CTXND1: variants seen among roughly 807,000 people sequenced by gnomAD.
CTXND1 encodes the protein cortexin domain containing 1.
intron 1 of CTXND1, among the ~76,000 whole-genome samples, chr15:80,234,476 C>T (rs1272497141): frequency 7.5e-6 from 1 of 133,766 alleles, no homozygotes; most frequent in African/African-American, 2.8e-5. Context: ...TGAACATGCC[C>T]TTTTTTTTTT....
chr15:80,230,697 A>G (rs1458770670), intron 1 of CTXND1, among the ~76,000 whole-genome samples: 1 of 152,106 alleles, frequency 6.6e-6, no homozygotes, highest in Non-Finnish European at 1.5e-5. Flanking sequence ...TCCTTTAAGT[A>G]GTGTTTTGGC....
intron 1 of CTXND1, among the ~76,000 whole-genome samples, chr15:80,247,334 G>T (rs1893643974): frequency 6.6e-6 from 1 of 152,158 alleles, no homozygotes; most frequent in African/African-American, 2.4e-5. Flanking sequence ...CTTGTGAGGT[G>T]CATAGTTGCA....
chr15:80,235,237 C>T (rs544983511), intron 1 of CTXND1, among the ~76,000 whole-genome samples: 7 of 152,262 alleles, frequency 4.6e-5, no homozygotes, highest in Admixed American at 3.9e-4. Context: ...ATGCAGTCAA[C>T]CCTTAGGGGC....
intron 1 of CTXND1, among the ~76,000 whole-genome samples, chr15:80,226,329 C>T (rs979964697): frequency 2.0e-5 from 3 of 152,086 alleles, no homozygotes; most frequent in African/African-American, 4.8e-5. Flanking sequence ...TCTTTTTGCT[C>T]AGTTGAAAAT....
chr15:80,252,179 G>A lies in CTXND1; in HGVS notation c.-390C>T, dbSNP rs1476041859. The A allele has an allele frequency of 6.6e-6, 1 of 151,688 alleles. No homozygotes were observed. The highest frequency in any genetic ancestry group is 1.9e-4 in the East Asian group (1 of 5,156). The allele number at this position is 151,688 out of a possible 1,614,324, so 9.4% of individuals were successfully genotyped here. On this transcript the variant is annotated 5_prime_UTR_variant, in exon 1 of 3. Coordinates refer to ENST00000560778, the MANE Select transcript of CTXND1 (RefSeq NM_001352888.2). ...CAGGAGTCAGAGCCCCCAGCGGCGC[G>A]GGCGAGCCCGGGCCAGCAGCCGAGA...
chr15:80,248,860 T>C (rs1353827463), intron 1 of CTXND1, among the ~76,000 whole-genome samples: 2 of 152,220 alleles, frequency 1.3e-5, no homozygotes, highest in Non-Finnish European at 2.9e-5. Context: ...TTCATGTCTA[T>C]GGAAAGAACA....
rs374779039 is a variant in CTXND1 at position 80,243,050 on chromosome 15, C to T, written c.-218+8957G>A. The stretch of plus-strand genomic sequence containing the variant: ...ATGAGCTGCAGCTTCGGTCTGCCAA[C>T]CCTCTGATTCCTTTGAACTACCTCC... On this transcript the variant is annotated intron_variant, in intron 1 of 2. Coordinates refer to ENST00000560778, the MANE Select transcript of CTXND1 (RefSeq NM_001352888.2). 1.3e-3 allele frequency among the ~76,000 whole-genome samples: 196 copies of T among 152,324 alleles called. 3 individuals carry two copies. The South Asian group carries it at 0.023, about 18-fold the overall frequency.
At chr15:80,230,055 C>T (rs1893412008) in intron 1 of CTXND1, among the ~76,000 whole-genome samples, 1 of 152,158 alleles carries the variant, frequency 6.6e-6, no homozygotes, top group Non-Finnish European at 1.5e-5. Flanking sequence ...AACCAATGTT[C>T]TCTAATTAAT....
chr15:80,228,941 T>G (rs1442709168), intron 1 of CTXND1, among the ~76,000 whole-genome samples: 2 of 9,846 alleles, frequency 2.0e-4, no homozygotes, highest in Non-Finnish European at 3.7e-4. Flanking sequence ...AATCTGAAAC[T>G]TTTTTGAGTA....
rs73487231 is a variant in CTXND1, at chr15:80,239,815, C to G, written c.-218+12192G>C. Among the ~76,000 whole-genome samples the G allele has an allele frequency of 6.4e-3, 973 of 152,278 alleles. 10 individuals are homozygous for G. The highest frequency in any genetic ancestry group is 0.021 in the African/African-American group (891 of 41,544). On this transcript the variant is annotated intron_variant, in intron 1 of 2. Transcript: ENST00000560778. ...TCACCATGCTCAGGCTCACTCAAGC[C>G]TCCCTGTCTCCTTGTGATGTCTATG...
At chr15:80,235,678 G>A (rs1368813480) in intron 1 of CTXND1, among the ~76,000 whole-genome samples, 5 of 151,876 alleles carry the variant, frequency 3.3e-5, no homozygotes, top group South Asian at 2.1e-4. Flanking sequence ...AGTTCTTATC[G>A]TGTAGTTCTG....
chr15:80,245,582 C>T (rs1043362973), intron 1 of CTXND1, among the ~76,000 whole-genome samples: 4 of 152,188 alleles, frequency 2.6e-5, no homozygotes, highest in African/African-American at 7.2e-5. Flanking sequence ...TACAACATCA[C>T]TTCCACCTCA....
intron 1 of CTXND1, among the ~76,000 whole-genome samples, chr15:80,234,831 C>G (rs1489509009): frequency 1.3e-5 from 2 of 152,176 alleles, no homozygotes; most frequent in South Asian, 2.1e-4. Flanking sequence ...AAAATGTCCC[C>G]TTTATCTAAA....
At chr15:80,248,743 G>T (rs1893661941) in intron 1 of CTXND1, among the ~76,000 whole-genome samples, 1 of 152,196 alleles carries the variant, frequency 6.6e-6, no homozygotes, top group African/African-American at 2.4e-5. Flanking sequence ...GCCATGCAGT[G>T]TCAGGCCACT....
chr15:80,209,847 G>A (rs1224021112), intron 1 of CTXND1, among the ~76,000 whole-genome samples: 2 of 152,180 alleles, frequency 1.3e-5, no homozygotes, highest in Non-Finnish European at 2.9e-5. Context: ...CCCGTTCTCT[G>A]TTTTACAGCT....
intron 1 of CTXND1, among the ~76,000 whole-genome samples, chr15:80,234,009 T>C (rs1328065601): frequency 6.6e-6 from 1 of 152,104 alleles, no homozygotes; most frequent in Non-Finnish European, 1.5e-5. Context: ...AAAAAAGCTG[T>C]CCCTCAGAAG....
chr15:80,234,477 T>C lies in CTXND1; in HGVS notation c.-218+17530A>G, dbSNP rs1360559191. 7.9e-4 allele frequency among the ~76,000 whole-genome samples: 27 copies of C among 34,254 alleles called. 1 individual carries two copies. In the South Asian group the frequency reaches 0.025, roughly 31 times the overall value. The allele number at this position is 34,254 out of a possible 152,430, so 22.5% of individuals were successfully genotyped here. On this transcript the variant is annotated intron_variant, in intron 1 of 2. Coordinates refer to ENST00000560778, the MANE Select transcript of CTXND1 (RefSeq NM_001352888.2). The stretch of plus-strand genomic sequence containing the variant: ...ATTATTCCACAATTTGAACATGCCC[T>C]TTTTTTTTTTTTTTTTCTGAGAGGA...
rs1013031877 is a variant in CTXND1 at position 80,196,686 on chromosome 15, G to T, written c.*5084C>A. 6.6e-6 allele frequency: 1 copy of T among 152,272 alleles called. No homozygotes were observed. Among genetic ancestry groups the T allele is most frequent in the Admixed American group, 6.5e-5 (1 of 15,280 alleles). The allele number at this position is 152,272 out of a possible 1,614,324, so 9.4% of individuals were successfully genotyped here. On this transcript the variant is annotated 3_prime_UTR_variant, in exon 3 of 3. Transcript: ENST00000560778. ...TTTTTCTCCCATCTAAGCAAAGTTTGTGAATGGCTGCTAAGTGGTAATAAG... is the reference window on the plus strand; with the variant it reads ...TTTTTCTCCCATCTAAGCAAAGTTTTTGAATGGCTGCTAAGTGGTAATAAG...
At chr15:80,209,054 G>A (rs1893178789) in intron 1 of CTXND1, among the ~76,000 whole-genome samples, 1 of 152,152 alleles carries the variant, frequency 6.6e-6, no homozygotes, top group South Asian at 2.1e-4. Flanking sequence ...ACAGATTGCA[G>A]AGGTCAGATC....
Sources: gnomAD v4.1 joint callset for allele counts (sites outside exome capture counted in the v4.1 genomes callset) on GRCh38, gnomAD v4.1.1 for gene constraint, MANE v1.5 for transcripts, NCBI Gene and HGNC (gene_info 2026-07-23, HGNC 2026-07-21) for gene names.